Variants in ADORA2A observed in about 807,000 individuals in gnomAD.
ADORA2A encodes adenosine A2a receptor, also known as adenosine receptor A2a.
In ADORA2A, 11 loss-of-function variants were observed where a neutral mutation model predicts 18.4. The ratio of observed to expected loss-of-function variants is 0.60; its 90% CI spans 0.38 to 0.99. The LOEUF (loss-of-function observed/expected upper bound fraction) is 0.99, where lower values mean the gene tolerates loss of function less well. Ranked by LOEUF, ADORA2A falls within the 50% of genes least tolerant of loss-of-function variation. ADORA2A has a pLI of 0.01. For missense variants in ADORA2A, 449 were observed against 556.1 expected (o/e 0.81, Z 1.94); for synonymous variants, 218 against 237.3 (o/e 0.92, Z 0.75).
intron 2 of ADORA2A, among the ~76,000 whole-genome samples, chr22:24,436,802 A>C (rs1373635945): frequency 6.6e-6 from 1 of 152,110 alleles, no homozygotes; most frequent in Non-Finnish European, 1.5e-5. Context: ...ACGGGCAGGC[A>C]GGGTCTCACT....
At chr22:24,439,756 T>C (rs1476509732) in intron 2 of ADORA2A, among the ~76,000 whole-genome samples, 1 of 152,180 alleles carries the variant, frequency 6.6e-6, no homozygotes, top group Non-Finnish European at 1.5e-5. Context: ...GGCTTGGATT[T>C]CTGTCTGGCT....
chr22:24,438,925 G>A (rs548013883), intron 2 of ADORA2A, among the ~76,000 whole-genome samples: 17 of 152,172 alleles, frequency 1.1e-4, no homozygotes, highest in African/African-American at 3.1e-4. Context: ...CGTACGTTTT[G>A]CATGGCGCTG....
At position 24,433,855 on chromosome 22, in the gene ADORA2A, T is replaced by C; in HGVS notation, c.332+119T>C. On this transcript the variant is annotated intron_variant, in intron 2 of 2. Transcript: ENST00000337539. ...GGTCTGCAGTGTCAGCATGGTGAGC[T>C]GGCGACGGGGCCCCAGGCTCAGCAG... is the stretch of plus-strand genomic sequence containing the variant. 4 of 1,260,750 alleles carry C rather than the reference T, an allele frequency of 3.2e-6. No individual in the cohort carries two copies. The East Asian group carries it at 1.0e-4, about 32-fold the overall frequency. The allele number at this position is 1,260,750 out of a possible 1,614,324, so 78.1% of individuals were successfully genotyped here.
chr22:24,431,221 G>A, intron 1 of ADORA2A: 1 of 456,790 alleles, frequency 2.2e-6, no homozygotes, highest in South Asian at 1.5e-5. Flanking sequence ...GCCCTCTCCA[G>A]CTGCTGCAGG....
At chr22:24,425,798 C>T (rs1421129237), upstream of ADORA2A, among the ~76,000 whole-genome samples, 1 of 152,244 alleles carries the variant, frequency 6.6e-6, no homozygotes, top group Admixed American at 6.5e-5. Context: ...GGGTTCTGGT[C>T]TTGCCTCCTC....
chr22:24,435,239 G>A (rs780143065), intron 2 of ADORA2A, among the ~76,000 whole-genome samples: 1 of 152,220 alleles, frequency 6.6e-6, no homozygotes, highest in Non-Finnish European at 1.5e-5. Flanking sequence ...ATTGCTCTGC[G>A]ACGGGCAGAG....
intron 2 of ADORA2A, among the ~76,000 whole-genome samples, chr22:24,435,919 A>G (rs2043162826): frequency 6.6e-6 from 1 of 152,168 alleles, no homozygotes; most frequent in Non-Finnish European, 1.5e-5. Context: ...GACGACGATG[A>G]TGTTCATCCT....
intron 1 of ADORA2A, chr22:24,431,583 A>G (rs1272145215): frequency 4.6e-6 from 2 of 437,006 alleles, no homozygotes; most frequent in Non-Finnish European, 9.3e-6. Flanking sequence ...GAGAGAGACG[A>G]GGTGGCTGCC....
upstream of ADORA2A, among the ~76,000 whole-genome samples, chr22:24,426,834 C>T (rs553001243): frequency 3.3e-5 from 5 of 152,274 alleles, no homozygotes; most frequent in East Asian, 1.9e-4. Context: ...TAGAATCTCT[C>T]GATACCTCTC....
intron 2 of ADORA2A, among the ~76,000 whole-genome samples, chr22:24,434,092 G>A (rs2043115901): frequency 6.6e-6 from 1 of 152,236 alleles, no homozygotes; most frequent in African/African-American, 2.4e-5. Context: ...CTGCCAGCGG[G>A]TGTGTCTGGG....
At chr22:24,438,625 T>C (rs574979301) in intron 2 of ADORA2A, 1 of 152,298 alleles carries the variant, frequency 6.6e-6, no homozygotes, top group South Asian at 2.1e-4. Context: ...AATGGGCTTG[T>C]CCGGTTACTG....
In ADORA2A at chr22:24,433,235, T is replaced by C. The variant is rs1219834667; in HGVS notation, c.-170T>C. On this transcript the variant is annotated 5_prime_UTR_variant, in exon 2 of 3. Transcript: ENST00000337539. The stretch of plus-strand genomic sequence containing the variant: ...TCAGAGTCCTCTGTGAAAAAGCCCT[T>C]GGAGAGCGCCCCAGCAGGGCTGCAC... 8 of 642,282 alleles carry C rather than the reference T, an allele frequency of 1.2e-5. No homozygotes were observed. Among genetic ancestry groups the C allele is most frequent in the Non-Finnish European group, 2.1e-5 (8 of 375,392 alleles). The allele number at this position is 642,282 out of a possible 1,614,324, so 39.8% of individuals were successfully genotyped here.
chr22:24,441,735 G>A lies in ADORA2A; in HGVS notation c.*246G>A. On this transcript the variant is annotated 3_prime_UTR_variant, in exon 3 of 3. Coordinates refer to ENST00000337539, the MANE Select transcript of ADORA2A (RefSeq NM_000675.6). ...GCACCAGGTGGGGGCCACAGCACCA[G>A]CAGCATCTTTGCTGGGCAGGGCCCA... is the stretch of plus-strand genomic sequence containing the variant. 1 of 386,138 alleles carries A rather than the reference G, an allele frequency of 2.6e-6. No homozygotes were observed. The highest frequency in any genetic ancestry group is 8.4e-5 in the South Asian group (1 of 11,948). The allele number at this position is 386,138 out of a possible 1,614,324, so 23.9% of individuals were successfully genotyped here. A position where few individuals can be genotyped will look rare whatever the true frequency, so the allele number is the denominator to read the frequency against.
chr22:24,426,728 G>A (rs1038483424), upstream of ADORA2A, among the ~76,000 whole-genome samples: 17 of 152,166 alleles, frequency 1.1e-4, no homozygotes, highest in Non-Finnish European at 1.9e-4. Context: ...GGATCAGGTG[G>A]AGAGAGGAGC....
rs150249680 is a variant in ADORA2A, at chr22:24,440,728, G to A, written c.478G>A (p.Gly160Arg). The change falls in exon 3 of 3, where the codon GGG becomes AGG. Residue 160 changes from glycine to arginine, a missense_variant. Transcript: ENST00000337539. ...GGGCAAGAACCACTCCCAGGGCTGCGGGGAGGGCCAAGTGGCCTGTCTCTT... is the reference window on the plus strand; with the variant it reads ...GGGCAAGAACCACTCCCAGGGCTGCAGGGAGGGCCAAGTGGCCTGTCTCTT... ...KEGKNHSQGC[G>R]EGQVACLFED... The A allele has an allele frequency of 2.0e-4, 322 of 1,614,068 alleles. No individual in the cohort carries two copies. The highest frequency in any genetic ancestry group is 3.3e-4 in the Admixed American group (20 of 60,002).
At chr22:24,430,927 G>A (rs1045014211) in intron 1 of ADORA2A, 14 of 358,508 alleles carry the variant, frequency 3.9e-5, no homozygotes, top group South Asian at 2.9e-4. Context: ...GCTGGGCCTG[G>A]GAGTCCACCT....
chr22:24,433,054 T>TG, intron 1 of ADORA2A, 77 bp from the exon 2 acceptor site: 1 of 356,860 alleles, frequency 2.8e-6, no homozygotes, highest in African/African-American at 2.1e-5. Context: ...GGGCCAAGTG[T>TG]GGGGTAAGGG....
In ADORA2A at chr22:24,441,021, C is replaced by A. The variant is rs2043325763; in HGVS notation, c.771C>A (p.Phe257Leu). The change falls in exon 3 of 3, where the codon TTC (phenylalanine) becomes TTA (leucine). Residue 257 changes from phenylalanine to leucine, a missense_variant. Transcript: ENST00000337539. ...TACACATCATCAACTGCTTCACTTT[C>A]TTCTGCCCCGACTGCAGCCACGCCC... ...LPLHIINCFT[F>L]FCPDCSHAPL... 1 of 1,614,090 alleles carries A rather than the reference C, an allele frequency of 6.2e-7. No homozygotes were observed. Among genetic ancestry groups the A allele is most frequent in the African/African-American group, 1.3e-5 (1 of 74,932 alleles).
rs199657263 is a variant in ADORA2A at position 24,433,243 on chromosome 22, G to A, written c.-162G>A. 2.3e-4 allele frequency: 149 copies of A among 656,678 alleles called. No individual in the cohort carries two copies. Among genetic ancestry groups the A allele is most frequent in the Middle Eastern group, 1.7e-3 (4 of 2,362 alleles). The allele number at this position is 656,678 out of a possible 1,614,324, so 40.7% of individuals were successfully genotyped here. On this transcript the variant is annotated 5_prime_UTR_variant, in exon 2 of 3. Coordinates refer to ENST00000337539, the MANE Select transcript of ADORA2A (RefSeq NM_000675.6). Reference sequence around the variant, plus strand: ...CTCTGTGAAAAAGCCCTTGGAGAGCGCCCCAGCAGGGCTGCACTTGGCTCC... The same window carrying A: ...CTCTGTGAAAAAGCCCTTGGAGAGCACCCCAGCAGGGCTGCACTTGGCTCC...
Sources: allele counts gnomAD v4.1 joint callset (sites outside exome capture counted in the v4.1 genomes callset), GRCh38; gene constraint gnomAD v4.1.1; transcripts MANE v1.5; gene names NCBI Gene and HGNC (gene_info 2026-07-23, HGNC 2026-07-21).